The following PCDH19 variants were observed in gnomAD, a reference collection of about 807,000 sequenced individuals.
PCDH19 encodes protocadherin 19.
PCDH19 carries 6 observed loss-of-function variants against 46.2 expected under a neutral mutation model. The ratio of observed to expected loss-of-function variants is 0.13; its 90% CI spans 0.07 to 0.26. The LOEUF is 0.26. Ranked by LOEUF, PCDH19 falls within the 10% of genes least tolerant of loss-of-function variation. The pLI, the probability that PCDH19 is intolerant of heterozygous loss-of-function variation, is 1.00. For synonymous variants in PCDH19, 481 were observed against 415.7 expected (o/e 1.16, Z -1.91); for missense variants, 740 against 972.3 (o/e 0.76, Z 3.18).
intron 5 of PCDH19, among the ~76,000 whole-genome samples, chrX:100,332,559 A>G (rs1925906281): frequency 9.0e-6 from 1 of 111,134 alleles, no homozygotes; most frequent in Admixed American, 9.6e-5. Flanking sequence ...TAAACTGGCT[A>G]TGAATGGACT....
chrX:100,398,205 G>A (rs1311854113), intron 3 of PCDH19, among the ~76,000 whole-genome samples: 1 of 112,118 alleles, frequency 8.9e-6, no homozygotes, highest in East Asian at 2.8e-4. Flanking sequence ...CCTCAAATTT[G>A]TGTACGAAAC....
intron 3 of PCDH19, among the ~76,000 whole-genome samples, chrX:100,383,225 G>A (rs1290865993): frequency 8.9e-6 from 1 of 112,171 alleles, no homozygotes; most frequent in Non-Finnish European, 1.9e-5. Context: ...AAGAATCTAC[G>A]AGGTAGGTCC....
intron 4 of PCDH19, among the ~76,000 whole-genome samples, chrX:100,345,719 A>G (rs1165801461): frequency 8.9e-6 from 1 of 111,880 alleles, no homozygotes; most frequent in African/African-American, 3.2e-5. Flanking sequence ...TGAGCACGAG[A>G]AGTTGTGTAT....
rs1064797378 is a variant in PCDH19 at position 100,408,376 on chromosome X, G to T, written c.222C>A (p.Ile74=). The change falls in exon 1 of 6, where the codon ATC becomes ATA. Residue 74 remains isoleucine (I), a synonymous_variant. Coordinates refer to ENST00000373034, the MANE Select transcript of PCDH19 (RefSeq NM_001184880.2). ...TGACCAGCAGGCCAGAGCTGGGATT[G>T]ATGTCCACTAGGTGTGGAGCCGAGT... ...VSNSAPHLVD[I]NPSSGLLVTK... is the part of the protein sequence containing the mutation. 8.3e-7 allele frequency: 1 copy of T among 1,209,842 alleles called. No homozygotes were observed. The highest frequency in any genetic ancestry group is 1.8e-5 in the South Asian group (1 of 56,888).
In PCDH19 at chrX:100,296,309, C is replaced by T. The variant is rs760947009; in HGVS notation, c.3415G>A (p.Gly1139Ser). 1.1e-4 allele frequency: 134 copies of T among 1,209,298 alleles called. No homozygotes were observed. In the South Asian group the frequency reaches 2.3e-3, roughly 21 times the overall value. The change falls in exon 6 of 6, where the codon GGT becomes AGT. Residue 1139 changes from glycine (G) to serine (S), a missense_variant. Physicochemically the swap from Gly to Ser is moderately conservative, Grantham distance 56 (BLOSUM62 0). Transcript: ENST00000373034. ...ACGATATCCTTCAGACGCTTCACACCAGGGGACTCTTTGTTGCGACCTTCC... is the reference window on the plus strand; with the variant it reads ...ACGATATCCTTCAGACGCTTCACACTAGGGGACTCTTTGTTGCGACCTTCC... ...LKEGRNKESP[G>S]VKRLKDIVL
intron 3 of PCDH19, among the ~76,000 whole-genome samples, chrX:100,382,203 G>C (rs1051201638): frequency 1.8e-5 from 2 of 111,025 alleles, no homozygotes; most frequent in Non-Finnish European, 3.8e-5. Context: ...TATTATAACA[G>C]ATAACCAAGC....
chrX:100,398,949 G>A (rs745691328), intron 3 of PCDH19, among the ~76,000 whole-genome samples: 3 of 111,776 alleles, frequency 2.7e-5, no homozygotes, highest in South Asian at 3.8e-4. Context: ...AGAATGTAAC[G>A]TGCTCAGGAA....
chrX:100,346,845 T>C (rs1306657213), intron 4 of PCDH19, among the ~76,000 whole-genome samples: 1 of 107,388 alleles, frequency 9.3e-6, no homozygotes, highest in Non-Finnish European at 1.9e-5. Context: ...CAAAGCACTG[T>C]AGGAGTGGAT....
intron 5 of PCDH19, among the ~76,000 whole-genome samples, chrX:100,316,872 G>A (rs1343183093): frequency 8.1e-5 from 9 of 111,469 alleles, no homozygotes; most frequent in African/African-American, 2.9e-4. Flanking sequence ...CCACAAAAAA[G>A]AATCAATTGG....
chrX:100,397,280 C>A (rs1027264969), intron 3 of PCDH19, among the ~76,000 whole-genome samples: 1 of 111,866 alleles, frequency 8.9e-6, no homozygotes, highest in African/African-American at 3.3e-5. Context: ...ACCATGCATT[C>A]AGACTTTTTG....
At chrX:100,324,899 C>A (rs1009588063) in intron 5 of PCDH19, among the ~76,000 whole-genome samples, 42 of 110,978 alleles carry the variant, frequency 3.8e-4, no homozygotes, top group African/African-American at 1.4e-3. Context: ...CAGGTACTAC[C>A]AGTATCCTCC....
chrX:100,398,001 CACACACACACAT>C (rs1421043982), intron 3 of PCDH19, among the ~76,000 whole-genome samples: 4 of 111,038 alleles, frequency 3.6e-5, no homozygotes, highest in African/African-American at 6.6e-5. Context: ...CTCATACACA[CACACACACACAT>C]ACACACACAC....
intron 5 of PCDH19, among the ~76,000 whole-genome samples, chrX:100,299,027 G>A (rs191665025): frequency 9.0e-6 from 1 of 111,306 alleles, no homozygotes; most frequent in East Asian, 2.8e-4. Flanking sequence ...AGTGTTTCAG[G>A]GTAGAGAGAG....
intron 3 of PCDH19, among the ~76,000 whole-genome samples, chrX:100,396,172 CTCGAGGCAGACGCCT>C (rs1056687907): frequency 1.1e-4 from 12 of 112,190 alleles, no homozygotes; most frequent in Non-Finnish European, 1.9e-5. Flanking sequence ...ACATCTGAAA[CTCGAGGCAGACGCCT>C]AAGAGCCACA....
intron 5 of PCDH19, among the ~76,000 whole-genome samples, chrX:100,299,485 T>C (rs1470336769): frequency 1.8e-5 from 2 of 111,415 alleles, no homozygotes; most frequent in African/African-American, 6.5e-5. Flanking sequence ...TCCTTCCCTA[T>C]ACTAGGCTGC....
intron 3 of PCDH19, among the ~76,000 whole-genome samples, chrX:100,386,262 T>A (rs1391885838): frequency 2.7e-5 from 3 of 111,269 alleles, no homozygotes; most frequent in Non-Finnish European, 5.7e-5. Flanking sequence ...CAAGGCCTTT[T>A]GGTCTGTCTG....
At chrX:100,395,167 G>A (rs1386085208) in intron 3 of PCDH19, among the ~76,000 whole-genome samples, 3 of 112,190 alleles carry the variant, frequency 2.7e-5, no homozygotes, top group African/African-American at 9.7e-5. Flanking sequence ...GATTACAGGC[G>A]TGAGCCACCG....
At chrX:100,352,247 A>G (rs1005255833) in intron 3 of PCDH19, among the ~76,000 whole-genome samples, 2 of 112,424 alleles carry the variant, frequency 1.8e-5, no homozygotes, top group Non-Finnish European at 3.8e-5. Context: ...AATTGTCACA[A>G]ACAGGAATAG....
intron 3 of PCDH19, among the ~76,000 whole-genome samples, chrX:100,392,861 G>A (rs900773887): frequency 1.8e-5 from 2 of 111,488 alleles, no homozygotes; most frequent in Admixed American, 1.9e-4. Context: ...GCCTCTTAAA[G>A]GTTAAGCCAA....
Sources: allele counts gnomAD v4.1 joint callset (sites outside exome capture counted in the v4.1 genomes callset), GRCh38; gene constraint gnomAD v4.1.1; transcripts MANE v1.5; gene names NCBI Gene and HGNC (gene_info 2026-07-23, HGNC 2026-07-21).